The following STARD9 variants were observed in gnomAD, a reference collection of about 807,000 sequenced individuals.
The protein encoded by STARD9 is stAR-related lipid transfer protein 9.
Under a neutral mutation model 399.8 loss-of-function variants are expected in STARD9, and 346 were observed. The observed-to-expected ratio is 0.87, with a 90% CI of 0.79 to 0.95. The LOEUF (loss-of-function observed/expected upper bound fraction) is 0.95, where lower values mean the gene tolerates loss of function less well. STARD9 is among the 40% of genes least tolerant of loss of function. The probability of loss-of-function intolerance (pLI) is 0.00; values close to 1 mark genes in which losing one functional copy is unlikely to be tolerated. For missense variants in STARD9, 5,832 were observed against 5,667.5 expected, an observed-to-expected ratio of 1.03 and a Z score of -0.93; for synonymous variants, 2,203 against 2,143.5, an observed-to-expected ratio of 1.03 and a Z score of -0.77.
In STARD9 at chr15:42,634,552, C is replaced by T. The variant is rs1332100288; in HGVS notation, c.235-304C>T. The stretch of plus-strand genomic sequence containing the variant: ...GAGAGATACAGAATTATTTTGCTTG[C>T]ATATCTTTGCTCTTCTACACTCTCT... On this transcript the variant is annotated intron_variant, in intron 3 of 32. Coordinates refer to ENST00000290607, the MANE Select transcript of STARD9 (RefSeq NM_020759.3). 1.4e-4 allele frequency among the ~76,000 whole-genome samples: 21 copies of T among 152,146 alleles called. 1 individual carries two copies.
At chr15:42,712,104 A>ATTATATATT (rs36132946) in intron 26 of STARD9, among the ~76,000 whole-genome samples, 4 of 280 alleles carry the variant, frequency 0.014, 1 homozygote, top group East Asian at 0.33. Context: ...TATAATATAT[A>ATTATATATT]ATATATAATA....
intron 31 of STARD9, 66 bp downstream of exon 31, chr15:42,718,580 T>G: frequency 6.7e-7 from 1 of 1,482,368 alleles, no homozygotes. Flanking sequence ...AGAAACAATC[T>G]ATGTGGGCCT....
At position 42,716,827 on chromosome 15, in the gene STARD9, C is replaced by T. The variant is rs1012400392; in HGVS notation, c.13372+63C>T. 4.6e-6 allele frequency: 7 copies of T among 1,520,116 alleles called. No homozygotes were observed. In the African/African-American group the frequency reaches 8.3e-5, roughly 18 times the overall value. The allele number at this position is 1,520,116 out of a possible 1,614,324, so 94.2% of individuals were successfully genotyped here. On this transcript the variant is annotated intron_variant, in intron 27 of 32. Coordinates refer to ENST00000290607, the MANE Select transcript of STARD9 (RefSeq NM_020759.3). ...GGTTTGGGGACTTGGGGGCTGATGG[C>T]TGCTAGATCTTAGTGAGTCACTGGT...
chr15:42,678,634 C>A (rs1202136229), intron 20 of STARD9, among the ~76,000 whole-genome samples: 2 of 152,172 alleles, frequency 1.3e-5, no homozygotes. Flanking sequence ...CAGAAGCTGC[C>A]AGACCCCGAG....
At chr15:42,696,627 T>C (rs1484288879) in intron 26 of STARD9, among the ~76,000 whole-genome samples, 1 of 152,180 alleles carries the variant, frequency 6.6e-6, no homozygotes, top group Non-Finnish European at 1.5e-5. Context: ...CAGGAGCAGC[T>C]GTGGGAGACC....
chr15:42,611,977 A>G (rs1306573969), intron 3 of STARD9, among the ~76,000 whole-genome samples: 1 of 152,052 alleles, frequency 6.6e-6, no homozygotes. Flanking sequence ...CATTATTATG[A>G]TTATTATTAG....
At chr15:42,580,673 G>T (rs1035985252) in intron 1 of STARD9, among the ~76,000 whole-genome samples, 1 of 152,220 alleles carries the variant, frequency 6.6e-6, no homozygotes, top group East Asian at 1.9e-4. Context: ...AAAGCCCGGC[G>T]TGGTGGCGGC....
chr15:42,672,442 C>A (rs1258950559), intron 16 of STARD9: 2 of 152,198 alleles, frequency 1.3e-5, no homozygotes, highest in Non-Finnish European at 2.9e-5. Context: ...TAATTTCTAC[C>A]CTGCAAATCT....
Position 42,693,306 on chromosome 15 carries a change from G to C in STARD9, c.11728G>C (p.Glu3910Gln). 1 of 1,537,112 alleles carries C rather than the reference G, an allele frequency of 6.5e-7. No individual in the cohort carries two copies. Among genetic ancestry groups the C allele is most frequent in the Non-Finnish European group, 8.7e-7 (1 of 1,146,900 alleles). ...CCTCACTCTTAGTGCCAGCACCCAA[G>C]AGCCGGGTCTTTCCCCAGGCTCTTT... ...PILTLSASTQ[E>Q]PGLSPGSLTL... The change falls in exon 23 of 33, where the codon GAG (glutamate) becomes CAG (glutamine). Residue 3910 changes from glutamate (E) to glutamine (Q), a missense_variant. Physicochemically the swap from Glu to Gln is conservative, Grantham distance 29. This residue lies in a region of STARD9 where 5,828 missense variants were observed against 5,651.1 expected (regional missense o/e 1.03). Coordinates refer to ENST00000290607, the MANE Select transcript of STARD9 (RefSeq NM_020759.3).
At position 42,632,986 on chromosome 15, in the gene STARD9, CA is replaced by C. The variant is rs570397733; in HGVS notation, c.235-1863del. On this transcript the variant is annotated intron_variant, in intron 3 of 32. Transcript: ENST00000290607. ...GGGGAGACCTGTCTCTACAAAAATA[CA>C]AAAAAATTAGCTGGGCATGGTGATG... 3.5e-3 allele frequency among the ~76,000 whole-genome samples: 524 copies of C among 151,836 alleles called. 2 individuals are homozygous for C. The highest frequency in any genetic ancestry group is 6.0e-3 in the Non-Finnish European group (410 of 67,934).
chr15:42,629,048 C>G (rs753282805), intron 3 of STARD9, among the ~76,000 whole-genome samples: 6 of 152,038 alleles, frequency 3.9e-5, no homozygotes, highest in African/African-American at 7.2e-5. Flanking sequence ...AAGACAGTCT[C>G]TTGCTCTGTT....
At chr15:42,628,655 C>T (rs2059271965) in intron 3 of STARD9, among the ~76,000 whole-genome samples, 1 of 152,090 alleles carries the variant, frequency 6.6e-6, no homozygotes. Context: ...TGTGGATATC[C>T]AGTTTTCCCA....
intron 3 of STARD9, among the ~76,000 whole-genome samples, chr15:42,628,027 C>G (rs373290140): frequency 4.3e-4 from 65 of 152,232 alleles, no homozygotes; most frequent in African/African-American, 1.5e-3. Context: ...TCCATAGTGG[C>G]TGTACTAATT....
Position 42,693,900 on chromosome 15 carries a change from C to A in STARD9, c.12322C>A (p.Gln4108Lys). ...GLRGSALGLPQACQPEELLCF... is the reference protein window; with the variant it reads ...GLRGSALGLPKACQPEELLCF... ...CCGAGGTTCTGCCTTGGGCCTCCCT[C>A]AGGCCTGCCAACCTGAGGAGTTACT... The change falls in exon 23 of 33, where the codon CAG becomes AAG. Residue 4108 changes from glutamine to lysine, a missense_variant. By Grantham distance (53) the Gln-to-Lys change is moderately conservative (BLOSUM62 1). This residue lies in a region of STARD9 where 5,828 missense variants were observed against 5,651.1 expected (regional missense o/e 1.03). Transcript: ENST00000290607. The A allele has an allele frequency of 6.6e-7, 1 of 1,525,208 alleles. No homozygotes were observed. The highest frequency in any genetic ancestry group is 8.8e-7 in the Non-Finnish European group (1 of 1,139,816). The allele number at this position is 1,525,208 out of a possible 1,614,324, so 94.5% of individuals were successfully genotyped here. A position where few individuals can be genotyped will look rare whatever the true frequency, so the allele number is the denominator to read the frequency against.
intron 32 of STARD9, among the ~76,000 whole-genome samples, chr15:42,719,117 C>G (rs925851064): frequency 6.6e-6 from 1 of 152,200 alleles, no homozygotes; most frequent in Non-Finnish European, 1.5e-5. Flanking sequence ...GTTTATCAAT[C>G]TTTTCTGAAG....
intron 7 of STARD9, among the ~76,000 whole-genome samples, chr15:42,640,162 C>T (rs1030915596): frequency 5.9e-5 from 9 of 152,234 alleles, no homozygotes; most frequent in Admixed American, 5.9e-4. Flanking sequence ...AAGTGATCTT[C>T]CCACCTCAGC....
chr15:42,599,868 A>T (rs912921817), intron 3 of STARD9, among the ~76,000 whole-genome samples: 1 of 152,236 alleles, frequency 6.6e-6, no homozygotes, highest in African/African-American at 2.4e-5. Flanking sequence ...TTAGGTATGT[A>T]AAGATCATCA....
Position 42,688,790 on chromosome 15 carries a change from C to T in STARD9, c.7212C>T (p.His2404=). 2.0e-6 allele frequency: 3 copies of T among 1,537,516 alleles called. No individual in the cohort carries two copies. Among genetic ancestry groups the T allele is most frequent in the Non-Finnish European group, 2.6e-6 (3 of 1,146,970 alleles). Residue 2404 remains histidine, a synonymous_variant, in exon 23 of 33, where the codon CAC becomes CAT. Transcript: ENST00000290607. The part of the protein sequence containing the change: ...GNVRGRSSEA[H]TAWCGSVRSM... ...TTAGAGGGCGTTCCTCTGAGGCACA[C>T]ACTGCCTGGTGTGGGTCTGTGCGAT...
chr15:42,719,631 C>A lies in STARD9; in HGVS notation c.*57C>A. On this transcript the variant is annotated 3_prime_UTR_variant, in exon 33 of 33. Transcript: ENST00000290607. ...GCAGGCCCAGGCTGCTCAAGAGAGACACTGTGGCAGCTCCTTGTTACTTTC... is the reference window on the plus strand; with the variant it reads ...GCAGGCCCAGGCTGCTCAAGAGAGAAACTGTGGCAGCTCCTTGTTACTTTC... 3 of 1,128,520 alleles carry A rather than the reference C, an allele frequency of 2.7e-6. No individual in the cohort carries two copies. Among genetic ancestry groups the A allele is most frequent in the Non-Finnish European group, 3.8e-6 (3 of 782,282 alleles). 69.9% of individuals were successfully genotyped at this position (1,128,520 alleles called of 1,614,324 possible). A position where few individuals can be genotyped will look rare whatever the true frequency, so the allele number is the denominator to read the frequency against.
Sources: gnomAD v4.1 joint callset for allele counts (sites outside exome capture counted in the v4.1 genomes callset) on GRCh38, gnomAD v4.1.1 for gene constraint, gnomAD v4.1.1 regional missense constraint, MANE v1.5 for transcripts, NCBI Gene and HGNC (gene_info 2026-07-23, HGNC 2026-07-21) for gene names.